The following DNAJC15 variants were observed in gnomAD, a reference collection of about 807,000 sequenced individuals.
DNAJC15 encodes DnaJ heat shock protein family (Hsp40) member C15.
DNAJC15 carries 27 observed loss-of-function variants against 22.4 expected under a neutral mutation model. The ratio of observed to expected loss-of-function variants is 1.20; its 90% CI spans 0.89 to 1.66. The LOEUF (loss-of-function observed/expected upper bound fraction) is 1.66. Among genes scored for constraint, DNAJC15 ranks in the 40% most tolerant of loss-of-function variants. DNAJC15 has a pLI of 0.00. For synonymous variants in DNAJC15, 79 were observed against 63.2 expected (o/e 1.25, Z -1.19); for missense variants, 208 against 187.1 (o/e 1.11, Z -0.65).
At chr13:43,066,236 C>A (rs1222021384) in intron 2 of DNAJC15, among the ~76,000 whole-genome samples, 1 of 150,716 alleles carries the variant, frequency 6.6e-6, no homozygotes, top group Admixed American at 6.6e-5. Context: ...TTACGTTTTT[C>A]GAAAGAATAG....
intron 1 of DNAJC15, among the ~76,000 whole-genome samples, chr13:43,056,415 G>T (rs145990838): frequency 6.6e-6 from 1 of 152,330 alleles, no homozygotes; most frequent in East Asian, 1.9e-4. Flanking sequence ...TGGGGTTACA[G>T]TGTGAACCAC....
intron 3 of DNAJC15, among the ~76,000 whole-genome samples, chr13:43,076,006 A>C (rs541290323): frequency 7.2e-6 from 1 of 139,790 alleles, no homozygotes; most frequent in South Asian, 2.1e-4. Flanking sequence ...TTCTCTCTCT[A>C]TCTCTCTTTA....
chr13:43,067,090 G>A (rs1336339848), intron 2 of DNAJC15, among the ~76,000 whole-genome samples: 1 of 152,038 alleles, frequency 6.6e-6, no homozygotes, highest in Admixed American at 6.5e-5. Context: ...AAGTTCTATC[G>A]GTTTGATCTT....
At chr13:43,103,754 G>A (rs982172544) in intron 5 of DNAJC15, among the ~76,000 whole-genome samples, 1 of 152,154 alleles carries the variant, frequency 6.6e-6, no homozygotes, top group African/African-American at 2.4e-5. Flanking sequence ...CACTAAAATT[G>A]TAGATTTGTG....
intron 1 of DNAJC15, among the ~76,000 whole-genome samples, chr13:43,059,913 T>A (rs530168523): frequency 6.6e-6 from 1 of 152,162 alleles, no homozygotes; most frequent in Non-Finnish European, 1.5e-5. Context: ...AGAACCTTGT[T>A]AAGGGTGGGA....
At chr13:43,060,046 A>G (rs2040551156) in intron 1 of DNAJC15, among the ~76,000 whole-genome samples, 1 of 152,240 alleles carries the variant, frequency 6.6e-6, no homozygotes, top group African/African-American at 2.4e-5. Context: ...ATCTGGATGT[A>G]TACGTGCAGG....
chr13:43,033,200 A>T (rs1234640442), intron 1 of DNAJC15, among the ~76,000 whole-genome samples: 1 of 152,248 alleles, frequency 6.6e-6, no homozygotes, highest in Non-Finnish European at 1.5e-5. Context: ...AGATTTGCTG[A>T]GGGACACAGA....
At chr13:43,078,287 C>T (rs1434194961) in intron 3 of DNAJC15, among the ~76,000 whole-genome samples, 1 of 152,266 alleles carries the variant, frequency 6.6e-6, no homozygotes, top group East Asian at 1.9e-4. Context: ...ATGACTTCAT[C>T]AAGGTTATCC....
At chr13:43,092,239 T>C (rs2153441878) in intron 5 of DNAJC15, among the ~76,000 whole-genome samples, 1 of 152,334 alleles carries the variant, frequency 6.6e-6, no homozygotes, top group Non-Finnish European at 1.5e-5. Flanking sequence ...TCATGATTTA[T>C]AGTACTGCTT....
At chr13:43,044,606 A>C (rs1203808628) in intron 1 of DNAJC15, among the ~76,000 whole-genome samples, 1 of 152,136 alleles carries the variant, frequency 6.6e-6, no homozygotes, top group African/African-American at 2.4e-5. Context: ...TTTTGGTTGC[A>C]AAGACTTTAT....
At position 43,044,158 on chromosome 13, in the gene DNAJC15, T is replaced by C. The variant is rs77801998; in HGVS notation, c.108+20424T>C. On this transcript the variant is annotated intron_variant, in intron 1 of 5. Transcript: ENST00000379221. ...TTTTTCTCCTTTCCACTTGCTGTTGTTTAAATTCAAAGAGTTTTCTTTGTG... is the reference window on the plus strand; with the variant it reads ...TTTTTCTCCTTTCCACTTGCTGTTGCTTAAATTCAAAGAGTTTTCTTTGTG... Among the ~76,000 whole-genome samples the C allele has an allele frequency of 7.9e-3, 1,199 of 152,306 alleles. 14 individuals carry two copies. The highest frequency in any genetic ancestry group is 0.028 in the African/African-American group (1,145 of 41,548).
chr13:43,094,802 C>A (rs1490357901), intron 5 of DNAJC15, among the ~76,000 whole-genome samples: 5 of 152,146 alleles, frequency 3.3e-5, no homozygotes, highest in African/African-American at 1.2e-4. Context: ...TGCCTGCCCC[C>A]AGCAGCAGCC....
rs375359960 is a variant in DNAJC15, at chr13:43,042,216, T to G, written c.108+18482T>G. Among the ~76,000 whole-genome samples, 4 of 152,316 alleles carry G rather than the reference T, an allele frequency of 2.6e-5. No individual in the cohort carries two copies. In the East Asian group the frequency reaches 5.8e-4, roughly 22 times the overall value. ...TATATATACATAATTATGATAAAGTTTAATTTATAAATTAGGTACAGTAAG... is the reference window on the plus strand; with the variant it reads ...TATATATACATAATTATGATAAAGTGTAATTTATAAATTAGGTACAGTAAG... On this transcript the variant is annotated intron_variant, in intron 1 of 5. Transcript: ENST00000379221.
At chr13:43,094,886 G>A (rs1316881298) in intron 5 of DNAJC15, among the ~76,000 whole-genome samples, 1 of 152,090 alleles carries the variant, frequency 6.6e-6, no homozygotes, top group South Asian at 2.1e-4. Flanking sequence ...AAGGGAAAAA[G>A]CAATTTCAGA....
intron 1 of DNAJC15, among the ~76,000 whole-genome samples, chr13:43,062,068 C>G (rs1165280873): frequency 6.7e-6 from 1 of 149,996 alleles, no homozygotes; most frequent in African/African-American, 2.5e-5. Context: ...TTTTTTTTTT[C>G]TTTTTGAAGA....
rs193000403 is a variant in DNAJC15 at position 43,081,680 on chromosome 13, G to A, written c.311+2992G>A. Among the ~76,000 whole-genome samples the A allele has an allele frequency of 7.9e-3, 1,196 of 151,880 alleles. 13 individuals carry two copies. Among genetic ancestry groups the A allele is most frequent in the African/African-American group, 0.027 (1,138 of 41,422 alleles). On this transcript the variant is annotated intron_variant, in intron 4 of 5. Transcript: ENST00000379221. ...TCTCGATCTCCTGACTTTGTGATCC[G>A]CCTGCCTCAGCCTCTCAAAGTGCTG... is the stretch of plus-strand genomic sequence containing the variant.
chr13:43,066,923 C>T (rs2040587117), intron 2 of DNAJC15, among the ~76,000 whole-genome samples: 3 of 152,156 alleles, frequency 2.0e-5, no homozygotes, highest in African/African-American at 7.2e-5. Flanking sequence ...CCGGCCCATT[C>T]GAAAGAATAG....
chr13:43,064,821 C>A (rs1430183112), intron 1 of DNAJC15, among the ~76,000 whole-genome samples: 1 of 152,154 alleles, frequency 6.6e-6, no homozygotes, highest in African/African-American at 2.4e-5. Flanking sequence ...AAGGACATCT[C>A]CTTACCCCTC....
intron 1 of DNAJC15, among the ~76,000 whole-genome samples, chr13:43,039,011 TA>T (rs1468362996): frequency 1.3e-5 from 2 of 152,072 alleles, no homozygotes; most frequent in Non-Finnish European, 2.9e-5. Flanking sequence ...AATGGGCAGA[TA>T]GGGGTGTTTT....
Sources: allele counts gnomAD v4.1 joint callset (sites outside exome capture counted in the v4.1 genomes callset), GRCh38; gene constraint gnomAD v4.1.1; transcripts MANE v1.5; gene names NCBI Gene and HGNC (gene_info 2026-07-23, HGNC 2026-07-21).